The following CD320 variants were observed in gnomAD, a reference collection of about 807,000 sequenced individuals.
CD320 encodes the protein CD320 antigen.
In CD320, 16 loss-of-function variants were observed where a neutral mutation model predicts 22.1. That is an observed-to-expected ratio of 0.73 (90% confidence interval 0.49 to 1.10). The LOEUF (loss-of-function observed/expected upper bound fraction) is 1.10. Among genes scored for constraint, CD320 ranks in the 50% least tolerant of loss-of-function variants. The pLI is 0.00. For synonymous variants in CD320, 188 were observed against 167.8 expected, an observed-to-expected ratio of 1.12 and a Z score of -0.93; for missense variants, 388 against 376.9, an observed-to-expected ratio of 1.03 and a Z score of -0.24.
chr19:8,302,523 C>T lies in CD320; in HGVS notation c.789G>A (p.Gly263=), dbSNP rs1006464492. The change falls in exon 5 of 5, where the codon GGG becomes GGA. Residue 263 remains glycine, a synonymous_variant. Coordinates refer to ENST00000301458, the MANE Select transcript of CD320 (RefSeq NM_016579.4). ...LRAQERLRPL[G]LLVAMKESLL... ...GGGACTCCTTCATGGCCACCAGTAA[C>T]CCCAGTGGGCGGAGGCGCTCCTGGG... The T allele has an allele frequency of 8.1e-6, 13 of 1,614,006 alleles. No homozygotes were observed. The highest frequency in any genetic ancestry group is 1.6e-4 in the Middle Eastern group (1 of 6,084).
At chr19:8,303,081 A>G in intron 3 of CD320, 101 bp from the exon 4 acceptor site, 1 of 849,226 alleles carries the variant, frequency 1.2e-6, no homozygotes, top group Non-Finnish European at 1.9e-6. Flanking sequence ...TCAACCAACC[A>G]GGCTGGGTGA....
intron 1 of CD320, among the ~76,000 whole-genome samples, chr19:8,307,149 G>A (rs1970100553): frequency 6.6e-6 from 1 of 151,810 alleles, no homozygotes; most frequent in African/African-American, 2.4e-5. Flanking sequence ...AAAATTAGCC[G>A]GGCATGGTGA....
chr19:8,304,921 CCCTGCG>C, intron 2 of CD320, 104 bp downstream of exon 2: 1 of 1,328,546 alleles, frequency 7.5e-7, no homozygotes, highest in Non-Finnish European at 1.1e-6. Flanking sequence ...TCGCACCCAT[CCCTGCG>C]GCCCTGCCTT....
chr19:8,306,141 CCT>C (rs1439278200), intron 1 of CD320, among the ~76,000 whole-genome samples: 2 of 152,156 alleles, frequency 1.3e-5, no homozygotes, highest in African/African-American at 4.8e-5. Flanking sequence ...CTCCCTACAC[CCT>C]GTGTTTTCCC....
chr19:8,306,314 G>A (rs2145379955), intron 1 of CD320, among the ~76,000 whole-genome samples: 1 of 152,286 alleles, frequency 6.6e-6, no homozygotes, highest in East Asian at 1.9e-4. Context: ...GCTGTGACCT[G>A]GCCGCCTAAA....
In CD320 at chr19:8,308,137, G is replaced by A. The variant is rs1382395813; in HGVS notation, c.142+12C>T. 1 of 1,498,594 alleles carries A rather than the reference G, an allele frequency of 6.7e-7. No homozygotes were observed. Among genetic ancestry groups the A allele is most frequent in the South Asian group, 1.3e-5 (1 of 77,290 alleles). The allele number at this position is 1,498,594 out of a possible 1,614,324, so 92.8% of individuals were successfully genotyped here. A position where few individuals can be genotyped will look rare whatever the true frequency, so the allele number is the denominator to read the frequency against. On this transcript the variant is annotated intron_variant, in intron 1 of 4. Transcript: ENST00000301458. ...CGAGGGGTGGGAGCCCGCGCTGCGG[G>A]GCGTCACTCACCTGCGGCCTGGGCA...
chr19:8,307,663 C>T (rs770492174), intron 1 of CD320, among the ~76,000 whole-genome samples: 3 of 152,270 alleles, frequency 2.0e-5, no homozygotes, highest in Non-Finnish European at 4.4e-5. Flanking sequence ...GGAGAGACCT[C>T]GCGTTCTCTA....
chr19:8,302,860 A>T lies in CD320; in HGVS notation c.623T>A (p.Val208Asp). The T allele has an allele frequency of 6.2e-7, 1 of 1,612,942 alleles. No individual in the cohort carries two copies. The highest frequency in any genetic ancestry group is 8.5e-7 in the Non-Finnish European group (1 of 1,179,544). ...TMGPPVTLES[V>D]PSVGNATSSS... ...GGATGTGGCATTCCCGACAGAGGGG[A>T]CACTCTCCAGGGTCACAGGGGGCCC... Residue 208 changes from valine to aspartate, a missense_variant, in exon 4 of 5, where the codon GTC becomes GAC. By Grantham distance (152) the Val-to-Asp change is radical. Transcript: ENST00000301458.
At chr19:8,304,602 CAA>C (rs1258802593) in intron 2 of CD320, among the ~76,000 whole-genome samples, 5 of 152,340 alleles carry the variant, frequency 3.3e-5, no homozygotes, top group Admixed American at 6.5e-5. Context: ...CTTGGCCTCC[CAA>C]AGTGCTGGGA....
chr19:8,305,536 T>C, intron 1 of CD320: 1 of 256,276 alleles, frequency 3.9e-6, no homozygotes, highest in Non-Finnish European at 7.9e-6. Flanking sequence ...GGAAACCCCG[T>C]CTCTGTTAAA....
rs758856967 is a variant in CD320, at chr19:8,305,161, G to A, written c.143-5C>T. On this transcript the variant is annotated splice_polypyrimidine_tract_variant and splice_region_variant and intron_variant, in intron 1 of 4. Coordinates refer to ENST00000301458, the MANE Select transcript of CD320 (RefSeq NM_016579.4). Reference sequence around the variant, plus strand: ...GGCACGAGCCTGAGCTGGGGCCTGCGAGATGGATGCAAATGAAGCCTGGGA... The same window carrying A: ...GGCACGAGCCTGAGCTGGGGCCTGCAAGATGGATGCAAATGAAGCCTGGGA... 1.9e-6 allele frequency: 3 copies of A among 1,594,782 alleles called. No homozygotes were observed. The highest frequency in any genetic ancestry group is 2.3e-5 in the South Asian group (2 of 88,870).
In CD320 at chr19:8,302,782, G is replaced by A; in HGVS notation, c.701C>T (p.Ala234Val). ...GSPTAYGVIA[A>V]AAVLSASLVT... Reference sequence around the variant, plus strand: ...GGAGGGTAAGTCCCTCTTACCAGCAGCTGCAATAACCCCATAGGCAGTTGG... The same window carrying A: ...GGAGGGTAAGTCCCTCTTACCAGCAACTGCAATAACCCCATAGGCAGTTGG... Residue 234 changes from alanine to valine, a missense_variant, in exon 4 of 5, where the codon GCT becomes GTT. By Grantham distance (64) the Ala-to-Val change is moderately conservative. Coordinates refer to ENST00000301458, the MANE Select transcript of CD320 (RefSeq NM_016579.4). The A allele has an allele frequency of 6.2e-7, 1 of 1,614,108 alleles. No individual in the cohort carries two copies. The highest frequency in any genetic ancestry group is 1.1e-5 in the South Asian group (1 of 91,088).
rs750768529 is a variant in CD320 at position 8,308,216 on chromosome 19, GAGC to G, written c.72_74del (p.Leu25del). 1.9e-5 allele frequency: 30 copies of G among 1,574,830 alleles called. No homozygotes were observed. Among genetic ancestry groups the G allele is most frequent in the African/African-American group, 4.0e-5 (3 of 74,188 alleles). On this transcript the variant is annotated inframe_deletion, in exon 1 of 5. Coordinates refer to ENST00000301458, the MANE Select transcript of CD320 (RefSeq NM_016579.4). Reference sequence around the variant, plus strand: ...CGGCCTCCAGGCCTAGTCCGAGGCCGAGCAGCAGCAGCAGCGCCAGGCCCAGAG... The same window carrying G: ...CGGCCTCCAGGCCTAGTCCGAGGCCGAGCAGCAGCAGCGCCAGGCCCAGAG...
At chr19:8,304,230 C>T in intron 2 of CD320, 142 bp from the exon 3 acceptor site, 1 of 613,774 alleles carries the variant, frequency 1.6e-6, no homozygotes, top group Non-Finnish European at 3.0e-6. Context: ...CCGCCCCCTG[C>T]AACTGTTAAC....
At chr19:8,304,697 TTC>T (rs2145377650) in intron 2 of CD320, 1 of 247,348 alleles carries the variant, frequency 4.0e-6, no homozygotes, top group African/African-American at 2.3e-5. Flanking sequence ...TCTTTTTTTT[TTC>T]TTTTTCTTTT....
Position 8,304,101 on chromosome 19 carries a change from G to GA in CD320, c.269-14_269-13insT. On this transcript the variant is annotated splice_polypyrimidine_tract_variant and intron_variant, in intron 2 of 4. Coordinates refer to ENST00000301458, the MANE Select transcript of CD320 (RefSeq NM_016579.4). ...CATGGCTCAATCCCTGGGGCACAGG[G>GA]TTGGTCAGGTCCCAAATGCCCACCC... is the stretch of plus-strand genomic sequence containing the variant. The GA allele has an allele frequency of 7.0e-7, 1 of 1,421,428 alleles. No individual in the cohort carries two copies. Among genetic ancestry groups the GA allele is most frequent in the South Asian group, 1.2e-5 (1 of 81,526 alleles). The allele number at this position is 1,421,428 out of a possible 1,614,324, so 88.1% of individuals were successfully genotyped here.
rs749442494 is a variant in CD320 at position 8,308,285 on chromosome 19, G to A, written c.6C>T (p.Ser2=). The change falls in exon 1 of 5, where the codon AGC becomes AGT. Residue 2 remains serine (S), a synonymous_variant. Transcript: ENST00000301458. ...CTCCAACCTGCGCCATCCAACCGCC[G>A]CTCATGCTGTCCCCACAGCGGCGCC... M[S]GGWMAQVGAW... is the part of the protein sequence containing the mutation. The A allele has an allele frequency of 9.6e-5, 152 of 1,587,510 alleles. No homozygotes were observed. The highest frequency in any genetic ancestry group is 6.0e-4 in the Admixed American group (35 of 58,690).
chr19:8,306,558 T>A (rs1970090740), intron 1 of CD320, among the ~76,000 whole-genome samples: 1 of 152,106 alleles, frequency 6.6e-6, no homozygotes, highest in African/African-American at 2.4e-5. Flanking sequence ...CTGGCTTAGC[T>A]TCACTCTGCC....
intron 4 of CD320, 69 bp downstream of exon 4, chr19:8,302,708 C>T: frequency 6.2e-7 from 1 of 1,605,628 alleles, no homozygotes; most frequent in Non-Finnish European, 8.5e-7. Flanking sequence ...CAGCTCATCC[C>T]TCCCCACCCA....
Sources: gnomAD v4.1 joint callset for allele counts (sites outside exome capture counted in the v4.1 genomes callset) on GRCh38, gnomAD v4.1.1 for gene constraint, MANE v1.5 for transcripts, NCBI Gene and HGNC (gene_info 2026-07-23, HGNC 2026-07-21) for gene names.